Variants in GTPBP6 observed in about 807,000 individuals in gnomAD.
GTPBP6 encodes the protein putative GTP-binding protein 6.
Under a neutral mutation model 28.9 loss-of-function variants are expected in GTPBP6, and 33 were observed. That is an observed-to-expected ratio of 1.14 (90% confidence interval 0.87 to 1.53). The LOEUF is 1.53. GTPBP6 is among the 40% of genes most tolerant of loss of function. The pLI, the probability that GTPBP6 is intolerant of heterozygous loss-of-function variation, is 0.00. For synonymous variants in GTPBP6, 231 were observed against 192.7 expected (o/e 1.20, Z -1.65); for missense variants, 507 against 408.3 (o/e 1.24, Z -2.08).
In GTPBP6 at chrX:304,807, C is replaced by G. The variant is rs906864413; in HGVS notation, c.*267G>C. On this transcript the variant is annotated 3_prime_UTR_variant, in exon 10 of 10. Coordinates refer to ENST00000326153, the Ensembl canonical transcript of GTPBP6. The stretch of plus-strand genomic sequence containing the variant: ...GTTACGGAAACATTCCGAGGGAAAG[C>G]AGTTCACAGCAGGCACCGAGGGCCC... 2.3e-5 allele frequency: 32 copies of G among 1,364,878 alleles called. No individual in the cohort carries two copies. In the African/African-American group the frequency reaches 4.0e-4, roughly 17 times the overall value. 84.5% of individuals were successfully genotyped at this position (1,364,878 alleles called of 1,614,324 possible).
intron 5 of GTPBP6, 85 bp from the exon 6 acceptor site, chrX:313,009 C>A: frequency 2.4e-6 from 3 of 1,238,946 alleles, no homozygotes; most frequent in Non-Finnish European, 3.4e-6. Context: ...TCTGCGGGGG[C>A]CCGGGGCCTG....
chrX:306,675 G>A (rs952130334), intron 9 of GTPBP6, among the ~76,000 whole-genome samples: 1 of 145,000 alleles, frequency 6.9e-6, no homozygotes, highest in Non-Finnish European at 1.5e-5. Flanking sequence ...AGTCAGAAAT[G>A]TACATTTTGA....
intron 4 of GTPBP6, among the ~76,000 whole-genome samples, chrX:314,491 T>C (rs7184634): frequency 0.017 from 2,590 of 149,932 alleles, 81 homozygotes; most frequent in African/African-American, 0.06. Context: ...TTTTTTTTTT[T>C]AGACGGAGTC....
chrX:313,802 G>A (rs2070365448), intron 5 of GTPBP6, among the ~76,000 whole-genome samples: 1 of 152,186 alleles, frequency 6.6e-6, no homozygotes, highest in Non-Finnish European at 1.5e-5. Context: ...CCTGGAGGGA[G>A]CGCAGCCCTG....
chrX:314,405 C>G (rs902354972), intron 4 of GTPBP6, among the ~76,000 whole-genome samples, 188 bp from the exon 5 acceptor site: 3 of 152,066 alleles, frequency 2.0e-5, no homozygotes, highest in East Asian at 1.9e-4. Flanking sequence ...GGGGACCTGC[C>G]TAGTGGGGAG....
chrX:311,185 T>TGGTG, intron 7 of GTPBP6, among the ~76,000 whole-genome samples: 1 of 60,782 alleles, frequency 1.6e-5, no homozygotes. Flanking sequence ...CGGCCCCGAG[T>TGGTG]TGGGTGGGTG....
rs377225092 is a variant in GTPBP6 at position 307,556 on chromosome X, G to A, written c.1275-44C>T. 1.5e-3 allele frequency: 2,463 copies of A among 1,595,778 alleles called. 12 individuals are homozygous for A. The highest frequency in any genetic ancestry group is 1.7e-3 in the Admixed American group (101 of 58,744). On this transcript the variant is annotated intron_variant, in intron 8 of 9. Coordinates refer to ENST00000326153, the Ensembl canonical transcript of GTPBP6. The stretch of plus-strand genomic sequence containing the variant: ...CACAGGCCCCGCTCAGCGTCGGGGC[G>A]GCCGGACGAAATCAGGGTCCCCAGG...
chrX:312,067 G>T (rs1211663066), intron 6 of GTPBP6: 5 of 455,718 alleles, frequency 1.1e-5, no homozygotes, highest in African/African-American at 2.0e-5. Context: ...GGATGGTGTA[G>T]ACAGAGGAGA....
exon 4 of GTPBP6, chrX:314,973 C>T (rs1458140474): frequency 3.0e-5 from 12 of 398,578 alleles, no homozygotes; most frequent in Admixed American, 4.4e-5. Flanking sequence ...GCAGGACGAC[C>T]GTGAAGCGGT....
rs769807455 is a variant in GTPBP6, at chrX:311,917, A to G, written c.917-290T>C. 1.7e-4 allele frequency: 98 copies of G among 592,780 alleles called. 1 individual carries two copies. In the South Asian group the frequency reaches 1.7e-3, roughly 10 times the overall value. 36.7% of individuals were successfully genotyped at this position (592,780 alleles called of 1,614,324 possible). On this transcript the variant is annotated intron_variant, in intron 6 of 9. Transcript: ENST00000326153. ...GATGGGAGTGAGGTCGTCTGTGTAG[A>G]TTTGGCAATGGCGTAGATGGTGGGA... is the stretch of plus-strand genomic sequence containing the variant.
At chrX:307,749 C>T in exon 8 of GTPBP6, 2 of 1,503,282 alleles carry the variant, frequency 1.3e-6, no homozygotes, top group African/African-American at 1.4e-5. Context: ...CGAGGTCCAC[C>T]TTGTTGTGAA....
chrX:317,022 G>A (rs2070451376), exon 2 of GTPBP6: 1 of 398,464 alleles, frequency 2.5e-6, no homozygotes, highest in African/African-American at 2.1e-5. Flanking sequence ...GTGTGCACCA[G>A]CGCTGTGGCC....
At chrX:312,506 G>C (rs1368141838) in intron 6 of GTPBP6, 10 of 681,224 alleles carry the variant, frequency 1.5e-5, no homozygotes. Flanking sequence ...CTCTGGATGG[G>C]AGGATGGGGT....
chrX:312,368 G>C (rs749465565), intron 6 of GTPBP6: 2 of 480,520 alleles, frequency 4.2e-6, no homozygotes, highest in South Asian at 3.1e-5. Flanking sequence ...ATAGACAGAG[G>C]AGAGGTGATG....
intron 1 of GTPBP6, among the ~76,000 whole-genome samples, chrX:317,848 T>A: frequency 9.6e-6 from 1 of 103,860 alleles, no homozygotes; most frequent in African/African-American, 4.0e-5. Flanking sequence ...ACCAATGATA[T>A]CCTCCCCTCT....
chrX:315,197 G>A (rs1410797860), intron 3 of GTPBP6, 32 bp downstream of exon 3: 2 of 398,548 alleles, frequency 5.0e-6, no homozygotes, highest in East Asian at 3.6e-5. Flanking sequence ...TGGAGTGCGG[G>A]GACAAACACA....
At chrX:312,920 T>C (rs2070343401) in exon 6 of GTPBP6, 1 of 1,611,698 alleles carries the variant, frequency 6.2e-7, no homozygotes, top group Non-Finnish European at 8.5e-7. Context: ...GCATGAAGGA[T>C]TCTCCTAAAA....
At chrX:314,864 G>A (rs1368901512) in intron 4 of GTPBP6, 26 bp downstream of exon 4, 39 of 399,426 alleles carry the variant, frequency 9.8e-5, no homozygotes, top group African/African-American at 1.6e-4. Context: ...CGTGACGCTC[G>A]GCGCGGCCCA....
chrX:316,307 C>G (rs1286565868), intron 2 of GTPBP6, among the ~76,000 whole-genome samples: 2 of 142,650 alleles, frequency 1.4e-5, no homozygotes, highest in African/African-American at 2.6e-5. Flanking sequence ...GACAGACACA[C>G]ACACACATGC....
Sources: gnomAD v4.1 joint callset for allele counts (sites outside exome capture counted in the v4.1 genomes callset) on GRCh38, gnomAD v4.1.1 for gene constraint, MANE v1.5 for transcripts, NCBI Gene and HGNC (gene_info 2026-07-23, HGNC 2026-07-21) for gene names.